The following NPSR1 variants were observed in gnomAD, a reference collection of about 807,000 sequenced individuals.
NPSR1 encodes neuropeptide S receptor.
Under a neutral mutation model 46.9 loss-of-function variants are expected in NPSR1, and 48 were observed. The ratio of observed to expected loss-of-function variants is 1.02; its 90% CI spans 0.81 to 1.30. NPSR1 has a LOEUF of 1.30. NPSR1 is among the 50% of genes most tolerant of loss of function. The probability of loss-of-function intolerance (pLI) is 0.00; values close to 1 mark genes in which losing one functional copy is unlikely to be tolerated. For missense variants in NPSR1, 450 were observed against 449.5 expected (o/e 1.00, Z -0.01); for synonymous variants, 176 against 168.1 (o/e 1.05, Z -0.36).
chr7:34,690,357 A>G (rs572485855), intron 2 of NPSR1, among the ~76,000 whole-genome samples: 6 of 152,320 alleles, frequency 3.9e-5, no homozygotes, highest in African/African-American at 1.4e-4. Flanking sequence ...GAGTGCTACA[A>G]CACCCCCAAA....
intron 2 of NPSR1, among the ~76,000 whole-genome samples, chr7:34,743,401 A>G (rs192018636): frequency 9.8e-4 from 148 of 150,632 alleles, no homozygotes; most frequent in South Asian, 4.8e-3. Context: ...TTATTGAATC[A>G]GGAGTCTTTT....
Position 34,870,979 on chromosome 7 carries a change from G to A in NPSR1, c.1026-7097G>A, listed in dbSNP as rs571665640. On this transcript the variant is annotated intron_variant, in intron 8 of 8. Coordinates refer to the NPSR1 transcript ENST00000359791. Reference sequence around the variant, plus strand: ...GGAAGGGTAGATGAACAGATAGATGGATATCTGAAAGCAGAAGTTGTGAAT... The same window carrying A: ...GGAAGGGTAGATGAACAGATAGATGAATATCTGAAAGCAGAAGTTGTGAAT... Among the ~76,000 whole-genome samples, 394 of 151,862 alleles carry A rather than the reference G, an allele frequency of 2.6e-3. 3 individuals carry two copies. Among genetic ancestry groups the A allele is most frequent in the Middle Eastern group, 6.8e-3 (2 of 294 alleles).
chr7:34,840,324 G>T (rs1425310252), intron 6 of NPSR1, among the ~76,000 whole-genome samples: 1 of 152,150 alleles, frequency 6.6e-6, no homozygotes, highest in Non-Finnish European at 1.5e-5. Context: ...AAAGGGAAAT[G>T]TAAGTTCTGG....
At chr7:34,834,535 C>A in intron 6 of NPSR1, 75 bp downstream of exon 6, 1 of 999,760 alleles carries the variant, frequency 1.0e-6, no homozygotes, top group Non-Finnish European at 1.6e-6. Context: ...CAAATGTGAG[C>A]TAGGGACTCC....
At chr7:34,766,292 T>A (rs1786426776) in intron 2 of NPSR1, among the ~76,000 whole-genome samples, 1 of 152,136 alleles carries the variant, frequency 6.6e-6, no homozygotes, top group African/African-American at 2.4e-5. Context: ...TGCTGGGCAG[T>A]TTTTTATGAA....
intron 8 of NPSR1, among the ~76,000 whole-genome samples, chr7:34,874,598 A>G (rs943313659): frequency 2.0e-5 from 3 of 152,208 alleles, no homozygotes; most frequent in Non-Finnish European, 2.9e-5. Flanking sequence ...CCGTGAGACC[A>G]TCTTGTCTTA....
At chr7:34,838,325 G>A (rs1374673789) in intron 6 of NPSR1, among the ~76,000 whole-genome samples, 2 of 152,118 alleles carry the variant, frequency 1.3e-5, no homozygotes, top group South Asian at 2.1e-4. Context: ...AATGGCTACC[G>A]CCACTTTTTA....
intron 3 of NPSR1, among the ~76,000 whole-genome samples, chr7:34,805,634 CTA>C (rs1788662777): frequency 6.6e-6 from 1 of 151,884 alleles, no homozygotes; most frequent in African/African-American, 2.4e-5. Context: ...TACTCTTTGT[CTA>C]TGAGTTTTTA....
chr7:34,875,847 T>C (rs924975807), intron 8 of NPSR1, among the ~76,000 whole-genome samples: 1 of 152,030 alleles, frequency 6.6e-6, no homozygotes, highest in African/African-American at 2.4e-5. Flanking sequence ...CAGGAAATGA[T>C]TAAGAGACAA....
chr7:34,835,317 A>G (rs1172321014), intron 6 of NPSR1, among the ~76,000 whole-genome samples: 1 of 152,186 alleles, frequency 6.6e-6, no homozygotes, highest in African/African-American at 2.4e-5. Flanking sequence ...ACACACTAAC[A>G]ATGCATACTC....
At chr7:34,672,764 T>C (rs1792121181) in intron 1 of NPSR1, among the ~76,000 whole-genome samples, 1 of 152,134 alleles carries the variant, frequency 6.6e-6, no homozygotes, top group South Asian at 2.1e-4. Flanking sequence ...AATCATGGTG[T>C]TGAGAGGTAA....
At position 34,747,544 on chromosome 7, in the gene NPSR1, G is replaced by A. The variant is rs17150824; in HGVS notation, c.281-30918G>A. 3.3e-5 allele frequency among the ~76,000 whole-genome samples: 5 copies of A among 152,104 alleles called. 1 individual carries two copies. The highest frequency in any genetic ancestry group is 3.3e-4 in the Admixed American group (5 of 15,276). ...TGATCTGCTGACAGCTAAGTGCAAG[G>A]TGGAATCAGAGATATCTTAATAGAT... is the stretch of plus-strand genomic sequence containing the variant. On this transcript the variant is annotated intron_variant, in intron 2 of 8. Coordinates refer to ENST00000360581, the MANE Select transcript of NPSR1 (RefSeq NM_207172.2).
chr7:34,858,747 G>A (rs577417512), intron 8 of NPSR1, among the ~76,000 whole-genome samples: 1 of 151,838 alleles, frequency 6.6e-6, no homozygotes, highest in Non-Finnish European at 1.5e-5. Flanking sequence ...GATCTCGTAA[G>A]ACCCATTCAC....
intron 2 of NPSR1, among the ~76,000 whole-genome samples, chr7:34,696,427 T>C (rs1793532853): frequency 6.6e-6 from 1 of 152,046 alleles, no homozygotes; most frequent in African/African-American, 2.4e-5. Flanking sequence ...TATGTTACAA[T>C]ACACCTGTGT....
intron 8 of NPSR1, among the ~76,000 whole-genome samples, chr7:34,872,603 A>T (rs1791484135): frequency 5.9e-5 from 9 of 151,802 alleles, no homozygotes; most frequent in Admixed American, 5.9e-4. Flanking sequence ...GGTTTAATGG[A>T]CTTACAGTTC....
chr7:34,740,016 A>G (rs1784866659), intron 2 of NPSR1, among the ~76,000 whole-genome samples: 2 of 152,174 alleles, frequency 1.3e-5, no homozygotes, highest in East Asian at 1.9e-4. Flanking sequence ...GTAGGAAAGA[A>G]CCATTAGTTG....
At chr7:34,836,637 GAAA>G (rs1790381118) in intron 6 of NPSR1, among the ~76,000 whole-genome samples, 6 of 146,660 alleles carry the variant, frequency 4.1e-5, no homozygotes, top group African/African-American at 1.0e-4. Flanking sequence ...AAGAAAGAAA[GAAA>G]GAAAGAGAAA....
chr7:34,824,061 A>C (rs1031731989), intron 4 of NPSR1, among the ~76,000 whole-genome samples: 9 of 152,246 alleles, frequency 5.9e-5, no homozygotes, highest in African/African-American at 2.2e-4. Flanking sequence ...CAGGCTTTTC[A>C]GAGGAAAAAA....
At chr7:34,827,651 G>GGT in intron 5 of NPSR1, 49 bp downstream of exon 5, 2 of 613,368 alleles carry the variant, frequency 3.3e-6, no homozygotes, top group South Asian at 1.4e-5. Context: ...GGCGGGGGGG[G>GGT]CTTTCCTGTT....
Sources: gnomAD v4.1 joint callset for allele counts (sites outside exome capture counted in the v4.1 genomes callset) on GRCh38, gnomAD v4.1.1 for gene constraint, MANE v1.5 for transcripts, NCBI Gene and HGNC (gene_info 2026-07-23, HGNC 2026-07-21) for gene names.